ADCY1: variants seen among roughly 807,000 people sequenced by gnomAD.
ADCY1 encodes the protein adenylate cyclase type 1.
A neutral mutation model predicts 105.4 loss-of-function variants in ADCY1; 28 were observed. That is an observed-to-expected ratio of 0.27 (90% CI 0.20 to 0.36). ADCY1 has a LOEUF of 0.36. Among genes scored for constraint, ADCY1 ranks in the 10% least tolerant of loss-of-function variants. The pLI, the probability that ADCY1 is intolerant of heterozygous loss-of-function variation, is 1.00. For synonymous variants in ADCY1, 655 were observed against 623.8 expected, an observed-to-expected ratio of 1.05 and a Z score of -0.75; for missense variants, 977 against 1,434.2, an observed-to-expected ratio of 0.68 and a Z score of 5.15.
intron 1 of ADCY1, among the ~76,000 whole-genome samples, chr7:45,585,833 G>A (rs1317377171): frequency 6.6e-6 from 1 of 152,144 alleles, no homozygotes; most frequent in Non-Finnish European, 1.5e-5. Flanking sequence ...CTCAGCTGAT[G>A]GTGTGACTCC....
intron 14 of ADCY1, among the ~76,000 whole-genome samples, chr7:45,701,665 G>T (rs559088644): frequency 6.6e-6 from 1 of 152,214 alleles, no homozygotes; most frequent in Non-Finnish European, 1.5e-5. Context: ...AATAATGTGG[G>T]TCCTATAGAG....
chr7:45,660,997 G>A (rs1348275687), intron 7 of ADCY1, among the ~76,000 whole-genome samples: 1 of 151,390 alleles, frequency 6.6e-6, no homozygotes, highest in Admixed American at 6.6e-5. Flanking sequence ...CATGGCTCAG[G>A]TGAGGGATTC....
At chr7:45,634,318 T>TAGGGGA (rs1344701373) in intron 4 of ADCY1, among the ~76,000 whole-genome samples, 1 of 152,112 alleles carries the variant, frequency 6.6e-6, no homozygotes, top group Non-Finnish European at 1.5e-5. Flanking sequence ...TTCCCAACAG[T>TAGGGGA]AGGGGAAGGC....
In ADCY1 at chr7:45,657,729, C is replaced by G. The variant is rs1299688769; in HGVS notation, c.1151C>G (p.Ser384Cys). The G allele has an allele frequency of 1.2e-6, 2 of 1,613,042 alleles. No individual in the cohort carries two copies. Among genetic ancestry groups the G allele is most frequent in the Admixed American group, 1.7e-5 (1 of 59,888 alleles). The change falls in exon 6 of 20, where the codon TCT becomes TGT. Residue 384 changes from serine (S) to cysteine (C), a missense_variant and splice_region_variant. Transcript: ENST00000297323. The stretch of plus-strand genomic sequence containing the variant: ...CACGCTCTGTGTCTGTGTTGCAGAT[C>G]TGTGGCTGAAGCCACCGAGGTGGAT... The part of the protein sequence containing the change: ...MGLDMIDTIT[S>C]VAEATEVDLN...
Position 45,696,048 on chromosome 7 carries a change from C to T in ADCY1, c.2455-7328C>T, listed in dbSNP as rs143376409. 1.1e-3 allele frequency among the ~76,000 whole-genome samples: 167 copies of T among 152,284 alleles called. 1 individual carries two copies. Among genetic ancestry groups the T allele is most frequent in the African/African-American group, 3.9e-3 (161 of 41,572 alleles). On this transcript the variant is annotated intron_variant, in intron 14 of 19. Transcript: ENST00000297323. Reference sequence around the variant, plus strand: ...CCTTCTGCTTTAAGGCACCAGAGGCCGTCTGAAACAGCAGACCCACCGGAC... The same window carrying T: ...CCTTCTGCTTTAAGGCACCAGAGGCTGTCTGAAACAGCAGACCCACCGGAC...
intron 11 of ADCY1, chr7:45,680,675 T>C (rs1297898571): frequency 6.6e-6 from 1 of 152,268 alleles, no homozygotes; most frequent in African/African-American, 2.4e-5. Flanking sequence ...TTGACTTGTA[T>C]AGATTGAGTG....
intron 7 of ADCY1, among the ~76,000 whole-genome samples, chr7:45,660,511 T>A (rs1795066182): frequency 6.6e-6 from 1 of 152,176 alleles, no homozygotes; most frequent in South Asian, 2.1e-4. Flanking sequence ...GGGCCAGGGA[T>A]GGGGAGCTCT....
rs1238372738 is a variant in ADCY1, at chr7:45,717,878, TAA to T, written c.*3884_*3885del. On this transcript the variant is annotated 3_prime_UTR_variant, in exon 20 of 20. Transcript: ENST00000297323. ...TCTGGAACACCTGTCATAGAAGCAATAACTCTAACTCTATACTGTAGAGATGA... is the reference window on the plus strand; with the variant it reads ...TCTGGAACACCTGTCATAGAAGCAATCTCTAACTCTATACTGTAGAGATGA... The T allele has an allele frequency of 6.6e-6, 1 of 152,614 alleles. No individual in the cohort carries two copies. Among genetic ancestry groups the T allele is most frequent in the African/African-American group, 2.4e-5 (1 of 41,460 alleles). 9.5% of individuals were successfully genotyped at this position (152,614 alleles called of 1,614,324 possible). A position where few individuals can be genotyped will look rare whatever the true frequency, so the allele number is the denominator to read the frequency against.
At chr7:45,587,527 C>G (rs894692205) in intron 1 of ADCY1, among the ~76,000 whole-genome samples, 3 of 152,116 alleles carry the variant, frequency 2.0e-5, no homozygotes, top group African/African-American at 7.2e-5. Context: ...AGAGGACTTG[C>G]AGGTTTGGCT....
chr7:45,605,973 ACT>A (rs1442057020), intron 2 of ADCY1, among the ~76,000 whole-genome samples: 1 of 151,710 alleles, frequency 6.6e-6, no homozygotes, highest in African/African-American at 2.4e-5. Context: ...CTGTGACATG[ACT>A]CTGGTTGGGA....
chr7:45,703,520 C>T lies in ADCY1; in HGVS notation c.2571+28C>T, dbSNP rs763605385. 1.2e-6 allele frequency: 2 copies of T among 1,613,706 alleles called. No individual in the cohort carries two copies. The highest frequency in any genetic ancestry group is 2.2e-5 in the East Asian group (1 of 44,854). Reference sequence around the variant, plus strand: ...GAGCACCCAGCCTGCTCCTGGCCAGCACTAGCCCTACACTGCTCTGGCCAC... The same window carrying T: ...GAGCACCCAGCCTGCTCCTGGCCAGTACTAGCCCTACACTGCTCTGGCCAC... On this transcript the variant is annotated intron_variant, in intron 15 of 19. Coordinates refer to ENST00000297323, the MANE Select transcript of ADCY1 (RefSeq NM_021116.4). The surrounding 1 kb of genome is among the most constrained non-coding windows in gnomAD (Gnocchi z 5.9).
In ADCY1 at chr7:45,710,510, G is replaced by A. The variant is rs2116278038; in HGVS notation, c.2933-18G>A. On this transcript the variant is annotated intron_variant, in intron 18 of 19. Coordinates refer to ENST00000297323, the MANE Select transcript of ADCY1 (RefSeq NM_021116.4). This position sits in a 1 kb window ranked among gnomAD's most constrained non-coding sequence, Gnocchi z 4.7. ...ACTTTTCCCGCTGATGACAGGTCAT[G>A]CGCTGGCTGTTTTCTAGGCATCAAT... 1 of 1,612,832 alleles carries A rather than the reference G, an allele frequency of 6.2e-7. No individual in the cohort carries two copies.
At chr7:45,586,783 G>A (rs901319306) in intron 1 of ADCY1, among the ~76,000 whole-genome samples, 18 of 152,364 alleles carry the variant, frequency 1.2e-4, no homozygotes, top group Admixed American at 9.8e-4. Context: ...GGAGGTGGCA[G>A]GCTGATCGCA....
intron 4 of ADCY1, among the ~76,000 whole-genome samples, chr7:45,631,396 T>C (rs949393174): frequency 6.6e-6 from 1 of 152,260 alleles, no homozygotes. Flanking sequence ...CATTCTGCTC[T>C]GTGCAGGAAA....
In ADCY1 at chr7:45,574,694, G is replaced by A; in HGVS notation, c.151G>A (p.Gly51Ser). ...CCCAGAGCTGGAGGCGCTGTTCCGCGGCTACACGCTGCGGCTGGAGCAGGC... is the reference window on the plus strand; with the variant it reads ...CCCAGAGCTGGAGGCGCTGTTCCGCAGCTACACGCTGCGGCTGGAGCAGGC... ...ACPELEALFRGYTLRLEQAAT... is the reference protein window; with the variant it reads ...ACPELEALFRSYTLRLEQAAT... The change falls in exon 1 of 20, where the codon GGC becomes AGC. Residue 51 changes from glycine to serine, a missense_variant. Transcript: ENST00000297323. The surrounding 1 kb of genome is among the most constrained non-coding windows in gnomAD (Gnocchi z 7.0). 8.6e-6 allele frequency: 12 copies of A among 1,400,012 alleles called. No individual in the cohort carries two copies. The highest frequency in any genetic ancestry group is 1.5e-5 in the African/African-American group (1 of 65,508). The allele number at this position is 1,400,012 out of a possible 1,614,324, so 86.7% of individuals were successfully genotyped here. A position where few individuals can be genotyped will look rare whatever the true frequency, so the allele number is the denominator to read the frequency against.
At chr7:45,583,815 T>C (rs957429730) in intron 1 of ADCY1, among the ~76,000 whole-genome samples, 6 of 151,960 alleles carry the variant, frequency 3.9e-5, no homozygotes, top group African/African-American at 1.5e-4. Flanking sequence ...TAATTTTGTA[T>C]TTTTAGTAGA....
At chr7:45,635,242 C>T (rs994718432) in intron 4 of ADCY1, among the ~76,000 whole-genome samples, 2 of 151,256 alleles carry the variant, frequency 1.3e-5, no homozygotes, top group Non-Finnish European at 2.9e-5. Context: ...CTCTTTTATC[C>T]ATGGTTTTGG....
chr7:45,642,530 C>T (rs879069626), intron 4 of ADCY1, among the ~76,000 whole-genome samples: 6 of 152,204 alleles, frequency 3.9e-5, no homozygotes, highest in Non-Finnish European at 7.3e-5. Context: ...TGTGCTCCTC[C>T]TGCCCACTTG....
intron 8 of ADCY1, among the ~76,000 whole-genome samples, chr7:45,677,105 A>C (rs1376145803): frequency 1.3e-5 from 2 of 152,038 alleles, no homozygotes; most frequent in Non-Finnish European, 2.9e-5. Context: ...GGTCCCTGCG[A>C]TCACCCTCTT....
Sources: allele counts gnomAD v4.1 joint callset (sites outside exome capture counted in the v4.1 genomes callset), GRCh38; gene constraint gnomAD v4.1.1; non-coding constraint Gnocchi (gnomAD v3.1); transcripts MANE v1.5; gene names NCBI Gene and HGNC (gene_info 2026-07-23, HGNC 2026-07-21).